The following TSPAN9 variants were observed in gnomAD, a reference collection of about 807,000 sequenced individuals.
TSPAN9 encodes the protein tetraspanin-9.
In TSPAN9, 16 loss-of-function variants were observed where a neutral mutation model predicts 31.0. The observed-to-expected ratio is 0.52, with a 90% confidence interval of 0.35 to 0.78. The LOEUF (loss-of-function observed/expected upper bound fraction) is 0.78. TSPAN9 is among the 30% of genes least tolerant of loss of function. TSPAN9 has a pLI of 0.01. For synonymous variants in TSPAN9, 145 were observed against 121.6 expected, an observed-to-expected ratio of 1.19 and a Z score of -1.27; for missense variants, 272 against 312.5, an observed-to-expected ratio of 0.87 and a Z score of 0.98.
chr12:3,231,196 C>A (rs1298369626), intron 3 of TSPAN9, among the ~76,000 whole-genome samples: 1 of 152,186 alleles, frequency 6.6e-6, no homozygotes, highest in East Asian at 1.9e-4. Flanking sequence ...AGCAACAGAA[C>A]AGCAGGTGCA....
chr12:3,088,901 C>T (rs891416213), intron 2 of TSPAN9, among the ~76,000 whole-genome samples: 1 of 151,892 alleles, frequency 6.6e-6, no homozygotes, highest in Non-Finnish European at 1.5e-5. Context: ...TGGTGGGAGC[C>T]AGTGTTGGTC....
At chr12:3,105,325 C>T (rs1221273502) in intron 2 of TSPAN9, among the ~76,000 whole-genome samples, 2 of 152,078 alleles carry the variant, frequency 1.3e-5, no homozygotes, top group African/African-American at 2.4e-5. Flanking sequence ...CGTATTTTAC[C>T]TATCCCTTTC....
chr12:3,195,237 G>A (rs2098366491), intron 2 of TSPAN9, among the ~76,000 whole-genome samples: 1 of 152,188 alleles, frequency 6.6e-6, no homozygotes, highest in South Asian at 2.1e-4. Context: ...GGGTGAGGGA[G>A]AGACCAAAGA....
At chr12:3,153,494 A>G (rs1161163685) in intron 2 of TSPAN9, among the ~76,000 whole-genome samples, 1 of 152,032 alleles carries the variant, frequency 6.6e-6, no homozygotes, top group Non-Finnish European at 1.5e-5. Context: ...TTTGCATTCT[A>G]TTTGCTTTCT....
intron 3 of TSPAN9, among the ~76,000 whole-genome samples, chr12:3,235,195 A>C (rs2098392781): frequency 2.0e-5 from 1 of 49,950 alleles, no homozygotes; most frequent in African/African-American, 8.5e-5. Flanking sequence ...AAAAAAAAAA[A>C]AAAAAAAAAA....
At chr12:3,158,247 A>G (rs1233049247) in intron 2 of TSPAN9, among the ~76,000 whole-genome samples, 3 of 152,170 alleles carry the variant, frequency 2.0e-5, no homozygotes, top group Non-Finnish European at 4.4e-5. Flanking sequence ...TGCCTCCTAC[A>G]AGATCTGTGG....
chr12:3,158,405 C>T (rs2098343382), intron 2 of TSPAN9, among the ~76,000 whole-genome samples: 1 of 152,228 alleles, frequency 6.6e-6, no homozygotes. Context: ...CTCAGCTTGT[C>T]TTTGTGCTGC....
intron 1 of TSPAN9, among the ~76,000 whole-genome samples, chr12:3,079,815 TGGGCTGGAGCACAG>T (rs1022247104): frequency 2.7e-5 from 4 of 149,260 alleles, no homozygotes; most frequent in African/African-American, 9.9e-5. Flanking sequence ...CTTTGTTGCC[TGGGCTGGAGCACAG>T]GGACACAAGC....
At chr12:3,118,256 G>GTTTTTTTTTTTTGT (rs2098323384) in intron 2 of TSPAN9, among the ~76,000 whole-genome samples, 2 of 31,582 alleles carry the variant, frequency 6.3e-5, no homozygotes, top group Non-Finnish European at 1.3e-4. Context: ...TGCACCCGCC[G>GTTTTTTTTTTTTGT]TTTTTTTTTT....
chr12:3,216,149 C>A (rs964102727), intron 3 of TSPAN9, among the ~76,000 whole-genome samples: 1 of 152,210 alleles, frequency 6.6e-6, no homozygotes, highest in Non-Finnish European at 1.5e-5. Context: ...CCCACCCCCA[C>A]CCCAGCCCTG....
At chr12:3,267,997 G>A (rs568860032) in intron 3 of TSPAN9, among the ~76,000 whole-genome samples, 3 of 152,318 alleles carry the variant, frequency 2.0e-5, no homozygotes, top group African/African-American at 4.8e-5. Flanking sequence ...AAGGCATGTC[G>A]AAGGGTCCTC....
chr12:3,188,194 A>G (rs1027613897), intron 2 of TSPAN9, among the ~76,000 whole-genome samples: 1 of 152,014 alleles, frequency 6.6e-6, no homozygotes, highest in African/African-American at 2.4e-5. Flanking sequence ...GTCACACTTA[A>G]CCCCATTATA....
At chr12:3,239,121 C>A (rs1362285444) in intron 3 of TSPAN9, among the ~76,000 whole-genome samples, 1 of 149,852 alleles carries the variant, frequency 6.7e-6, no homozygotes, top group Non-Finnish European at 1.5e-5. Context: ...AGTGCACATT[C>A]CTCCCTTGTG....
At chr12:3,129,102 C>T (rs984824910) in intron 2 of TSPAN9, among the ~76,000 whole-genome samples, 3 of 152,190 alleles carry the variant, frequency 2.0e-5, no homozygotes, top group African/African-American at 4.8e-5. Flanking sequence ...CAGATTTCCT[C>T]CCTTTTTATG....
At position 3,168,694 on chromosome 12, in the gene TSPAN9, G is replaced by A. The variant is rs73051875; in HGVS notation, c.-17-32483G>A. Among the ~76,000 whole-genome samples the A allele has an allele frequency of 0.065, 9,915 of 152,234 alleles. 425 individuals carry two copies. Among genetic ancestry groups the A allele is most frequent in the Middle Eastern group, 0.12 (35 of 292 alleles). ...ATTGGGAAAAAATTGAGCTCTGGAT[G>A]GAGAGGATTTGATAAATCTTAATTC... On this transcript the variant is annotated intron_variant, in intron 2 of 8. Coordinates refer to ENST00000011898, the MANE Select transcript of TSPAN9 (RefSeq NM_006675.5). The surrounding 1 kb of genome is among the most constrained non-coding windows in gnomAD (Gnocchi z 4.0).
intron 2 of TSPAN9, among the ~76,000 whole-genome samples, chr12:3,113,244 A>G (rs1339658870): frequency 6.6e-6 from 1 of 151,994 alleles, no homozygotes; most frequent in Non-Finnish European, 1.5e-5. Context: ...GGGCTGTAAA[A>G]GAGGGCATGT....
intron 3 of TSPAN9, among the ~76,000 whole-genome samples, chr12:3,253,547 G>A (rs984804478): frequency 6.6e-6 from 1 of 152,212 alleles, no homozygotes; most frequent in African/African-American, 2.4e-5. Flanking sequence ...CGCTGAGCTC[G>A]GCCAGTGCCA....
intron 2 of TSPAN9, among the ~76,000 whole-genome samples, chr12:3,142,839 A>C (rs1203287599): frequency 6.6e-6 from 1 of 152,230 alleles, no homozygotes; most frequent in Non-Finnish European, 1.5e-5. Context: ...TATTAACAAT[A>C]GATTTTATTT....
Position 3,209,318 on chromosome 12 carries a change from A to G in TSPAN9, c.63+8062A>G, listed in dbSNP as rs191346199. Among the ~76,000 whole-genome samples the G allele has an allele frequency of 3.5e-3, 533 of 152,252 alleles. 4 individuals carry two copies. The highest frequency in any genetic ancestry group is 4.2e-3 in the Non-Finnish European group (284 of 68,032). The stretch of plus-strand genomic sequence containing the variant: ...GTTGATAGTCGTGGCCATAGTGCAC[A>G]CCTTTCCATGGCTCTTGGTATTTCA... On this transcript the variant is annotated intron_variant, in intron 3 of 8. Transcript: ENST00000011898.
Sources: gnomAD v4.1 joint callset for allele counts (sites outside exome capture counted in the v4.1 genomes callset) on GRCh38, gnomAD v4.1.1 for gene constraint, Gnocchi (gnomAD v3.1) non-coding constraint, MANE v1.5 for transcripts, NCBI Gene and HGNC (gene_info 2026-07-23, HGNC 2026-07-21) for gene names.